AKNAD1: variants seen among roughly 807,000 people sequenced by gnomAD.
AKNAD1 encodes the protein protein AKNAD1.
A neutral mutation model predicts 90.8 loss-of-function variants in AKNAD1; 67 were observed. That is an observed-to-expected ratio of 0.74 (90% CI 0.61 to 0.90). The LOEUF (loss-of-function observed/expected upper bound fraction) is 0.90. Among genes scored for constraint, AKNAD1 ranks in the 40% least tolerant of loss-of-function variants. The pLI, the probability that AKNAD1 is intolerant of heterozygous loss-of-function variation, is 0.00. For synonymous variants in AKNAD1, 327 were observed against 341.4 expected, an observed-to-expected ratio of 0.96 and a Z score of 0.46; for missense variants, 957 against 975.4, an observed-to-expected ratio of 0.98 and a Z score of 0.25.
intron 14 of AKNAD1, among the ~76,000 whole-genome samples, chr1:108,817,757 G>A (rs1457330490): frequency 6.0e-5 from 9 of 150,728 alleles, no homozygotes; most frequent in Middle Eastern, 3.5e-3. Flanking sequence ...CGCCCGCCTC[G>A]GCCTCCCAAA....
At chr1:108,835,936 T>C (rs1037829003) in intron 7 of AKNAD1, among the ~76,000 whole-genome samples, 2 of 152,204 alleles carry the variant, frequency 1.3e-5, no homozygotes, top group Non-Finnish European at 2.9e-5. Context: ...ATTTGTTAAG[T>C]ATATGTCTCT....
chr1:108,847,710 C>A (rs1664742645), intron 5 of AKNAD1, among the ~76,000 whole-genome samples: 2 of 152,136 alleles, frequency 1.3e-5, no homozygotes, highest in Non-Finnish European at 2.9e-5. Context: ...CAAGCTCATC[C>A]CTATTCCTTC....
At chr1:108,828,931 A>G (rs1241462829) in intron 10 of AKNAD1, among the ~76,000 whole-genome samples, 2 of 151,882 alleles carry the variant, frequency 1.3e-5, no homozygotes, top group Non-Finnish European at 2.9e-5. Context: ...TAAAGTACAC[A>G]CTTAAATCCA....
Position 108,852,585 on chromosome 1 carries a change from T to G in AKNAD1, c.80A>C (p.Lys27Thr), listed in dbSNP as rs139602123. ...GGTAAAACTGTAATCATTGCCTATC[T>G]TAATCTGAGAGAGGTCCCCATCATA... ...LPYDGDLSQI[K>T]IGNDYSFTSK... Residue 27 changes from lysine to threonine, a missense_variant, in exon 2 of 16, where the codon AAG (lysine) becomes ACG (threonine). Lys to Thr is a moderately conservative substitution (Grantham distance 78). Transcript: ENST00000370001. 6.2e-7 allele frequency: 1 copy of G among 1,612,680 alleles called. No homozygotes were observed. The highest frequency in any genetic ancestry group is 8.5e-7 in the Non-Finnish European group (1 of 1,179,604).
intron 10 of AKNAD1, 68 bp from the exon 11 acceptor site, chr1:108,827,370 A>T (rs1664037327): frequency 3.2e-6 from 4 of 1,232,094 alleles, no homozygotes; most frequent in African/African-American, 1.5e-5. Flanking sequence ...AAGTTTTGGT[A>T]AAGTTGAAAC....
chr1:108,844,598 A>G (rs1489119168), intron 5 of AKNAD1, among the ~76,000 whole-genome samples: 2 of 152,128 alleles, frequency 1.3e-5, no homozygotes, highest in African/African-American at 4.8e-5. Context: ...TGCCCAGGAC[A>G]GAAACATAGC....
chr1:108,818,505 G>T (rs1176593389), intron 14 of AKNAD1, among the ~76,000 whole-genome samples: 1 of 152,130 alleles, frequency 6.6e-6, no homozygotes, highest in African/African-American at 2.4e-5. Context: ...AACAGCCATC[G>T]CTTGCTGAGT....
rs1303227822 is a variant in AKNAD1 at position 108,823,410 on chromosome 1, G to A, written c.2127C>T (p.Val709=). Reference sequence around the variant, plus strand: ...TACTTTCATCTAAAGAATGGGGCTGGACAAAGGCACCTCTTTTGCTATGAT... The same window carrying A: ...TACTTTCATCTAAAGAATGGGGCTGAACAAAGGCACCTCTTTTGCTATGAT... ...YSNHSKRGAF[V]QPHSLDESKN... is the part of the protein sequence containing the mutation. The change falls in exon 13 of 16, where the codon GTC becomes GTT. Residue 709 remains valine, a synonymous_variant. Coordinates refer to ENST00000370001, the MANE Select transcript of AKNAD1 (RefSeq NM_152763.5). 1 of 1,614,152 alleles carries A rather than the reference G, an allele frequency of 6.2e-7. No homozygotes were observed. Among genetic ancestry groups the A allele is most frequent in the Admixed American group, 1.7e-5 (1 of 60,018 alleles).
intron 1 of AKNAD1, among the ~76,000 whole-genome samples, chr1:108,856,632 G>A (rs1330080762): frequency 2.0e-5 from 3 of 152,070 alleles, no homozygotes; most frequent in African/African-American, 7.2e-5. Context: ...GTTGAGCCCA[G>A]GAGGTCAAGG....
chr1:108,849,695 G>A lies in AKNAD1; in HGVS notation c.994-119C>T, dbSNP rs765276974. On this transcript the variant is annotated intron_variant, in intron 2 of 15. Transcript: ENST00000370001. ...GAGCCCAGGTTTGCAGTCAAGAGCC[G>A]GAGCCATGATGCCAAGGTTGAATTC... The A allele has an allele frequency of 2.4e-4, 167 of 710,276 alleles. 1 individual carries two copies. The highest frequency in any genetic ancestry group is 3.2e-4 in the Non-Finnish European group (132 of 407,732). The allele number at this position is 710,276 out of a possible 1,614,324, so 44.0% of individuals were successfully genotyped here.
chr1:108,830,908 T>C (rs1030269267), intron 9 of AKNAD1, among the ~76,000 whole-genome samples: 5 of 152,148 alleles, frequency 3.3e-5, no homozygotes, highest in African/African-American at 1.2e-4. Context: ...AGAATGGAAG[T>C]TTCCACCCTG....
At chr1:108,844,025 C>G (rs1384640159) in intron 5 of AKNAD1, among the ~76,000 whole-genome samples, 1 of 149,596 alleles carries the variant, frequency 6.7e-6, no homozygotes, top group African/African-American at 2.5e-5. Flanking sequence ...AGTTCCTGGT[C>G]TTAGAGATGT....
In AKNAD1 at chr1:108,828,419, A is replaced by G. The variant is rs554286007; in HGVS notation, c.1839-1117T>C. The stretch of plus-strand genomic sequence containing the variant: ...CTCCAAAGGAATTCGAATTAATAAC[A>G]GTTCTGAACAAAGCTCTTGCTAAGC... On this transcript the variant is annotated intron_variant, in intron 10 of 15. Coordinates refer to ENST00000370001, the MANE Select transcript of AKNAD1 (RefSeq NM_152763.5). 4.3e-4 allele frequency among the ~76,000 whole-genome samples: 65 copies of G among 151,922 alleles called. 1 individual carries two copies. The highest frequency in any genetic ancestry group is 3.4e-3 in the Middle Eastern group (1 of 294).
chr1:108,819,763 T>TAA (rs1160855283), intron 14 of AKNAD1, among the ~76,000 whole-genome samples: 1 of 150,658 alleles, frequency 6.6e-6, no homozygotes, highest in African/African-American at 2.4e-5. Flanking sequence ...TTTTTTTTTT[T>TAA]AATGTGCACC....
chr1:108,834,355 G>T, intron 9 of AKNAD1, 92 bp downstream of exon 9: 2 of 1,090,658 alleles, frequency 1.8e-6, no homozygotes, highest in Non-Finnish European at 2.7e-6. Context: ...TCTTGATTAT[G>T]CCAATTTCAC....
At chr1:108,850,571 T>A (rs571485844) in intron 2 of AKNAD1, among the ~76,000 whole-genome samples, 1 of 151,868 alleles carries the variant, frequency 6.6e-6, no homozygotes, top group African/African-American at 2.4e-5. Flanking sequence ...GGGGTTCTGC[T>A]CAAACTCCCC....
intron 6 of AKNAD1, among the ~76,000 whole-genome samples, chr1:108,841,671 T>C (rs1211279073): frequency 1.3e-5 from 2 of 152,160 alleles, no homozygotes; most frequent in Non-Finnish European, 2.9e-5. Flanking sequence ...TGCATTAGCC[T>C]TTGGACTCAA....
At chr1:108,856,073 G>A (rs7548046) in intron 1 of AKNAD1, among the ~76,000 whole-genome samples, 4 of 151,534 alleles carry the variant, frequency 2.6e-5, no homozygotes, top group East Asian at 3.9e-4. Flanking sequence ...GGACGGTCTC[G>A]AACTCCTGAG....
chr1:108,850,906 C>T lies in AKNAD1; in HGVS notation c.993+766G>A, dbSNP rs192492264. Among the ~76,000 whole-genome samples the T allele has an allele frequency of 1.5e-3, 169 of 116,424 alleles. 1 individual carries two copies. Among genetic ancestry groups the T allele is most frequent in the Non-Finnish European group, 2.9e-3 (152 of 52,132 alleles). 76.4% of individuals were successfully genotyped at this position (116,424 alleles called of 152,430 possible). A position where few individuals can be genotyped will look rare whatever the true frequency, so the allele number is the denominator to read the frequency against. On this transcript the variant is annotated intron_variant, in intron 2 of 15. Transcript: ENST00000370001. ...TTGGTGGGGGAGTGTGAGAAGTTGGCGTAAGGGAAAGGGGGAATAGCATAA... is the reference window on the plus strand; with the variant it reads ...TTGGTGGGGGAGTGTGAGAAGTTGGTGTAAGGGAAAGGGGGAATAGCATAA...
Sources: allele counts gnomAD v4.1 joint callset (sites outside exome capture counted in the v4.1 genomes callset), GRCh38; gene constraint gnomAD v4.1.1; transcripts MANE v1.5; gene names NCBI Gene and HGNC (gene_info 2026-07-23, HGNC 2026-07-21).